Variants in TRIM36 observed in about 807,000 individuals in gnomAD.
TRIM36 encodes E3 ubiquitin-protein ligase TRIM36.
In TRIM36, 42 loss-of-function variants were observed where a neutral mutation model predicts 72.4. The ratio of observed to expected loss-of-function variants is 0.58; its 90% confidence interval spans 0.45 to 0.75. The LOEUF is 0.75. Among genes scored for constraint, TRIM36 ranks in the 30% least tolerant of loss-of-function variants. TRIM36 has a pLI of 0.00. For missense variants in TRIM36, 913 were observed against 857.1 expected (o/e 1.07, Z -0.81); for synonymous variants, 315 against 282.8 (o/e 1.11, Z -1.14).
At position 115,133,859 on chromosome 5, in the gene TRIM36, CCT is replaced by C. The variant is rs1416171343; in HGVS notation, c.1497_1498del (p.Val500PhefsTer6). On this transcript the variant is annotated frameshift_variant and splice_region_variant, in exon 8 of 10. Transcript: ENST00000513154. LOFTEE classifies it high-confidence loss of function. ...TTTTTTATTCCTGATATTCACCATACCTGGAGCTGGAGGAGTATGAAGAATCA... is the reference window on the plus strand; with the variant it reads ...TTTTTTATTCCTGATATTCACCATACGGAGCTGGAGGAGTATGAAGAATCA... 6.3e-7 allele frequency: 1 copy of C among 1,579,106 alleles called. No homozygotes were observed. The highest frequency in any genetic ancestry group is 1.9e-5 in the Admixed American group (1 of 53,924).
At chr5:115,175,998 T>C (rs1755321328) in intron 1 of TRIM36, among the ~76,000 whole-genome samples, 1 of 152,044 alleles carries the variant, frequency 6.6e-6, no homozygotes, top group African/African-American at 2.4e-5. Flanking sequence ...TGGTGGCGTG[T>C]GCCTGTAGTC....
At chr5:115,166,068 A>G (rs1265513809) in intron 1 of TRIM36, among the ~76,000 whole-genome samples, 1 of 152,168 alleles carries the variant, frequency 6.6e-6, no homozygotes, top group African/African-American at 2.4e-5. Flanking sequence ...GGCGTCCCTC[A>G]GCTAAAACAG....
intron 9 of TRIM36, 30 bp downstream of exon 9, chr5:115,130,562 A>G (rs1384028511): frequency 6.4e-7 from 1 of 1,564,250 alleles, no homozygotes; most frequent in African/African-American, 1.4e-5. Flanking sequence ...TTAAAAAATT[A>G]TCAAGTTCTA....
At chr5:115,138,624 A>G (rs1310916649) in intron 5 of TRIM36, among the ~76,000 whole-genome samples, 1 of 152,176 alleles carries the variant, frequency 6.6e-6, no homozygotes. Flanking sequence ...TTATTTACAT[A>G]AAGTATATAC....
In TRIM36 at chr5:115,130,734, T is replaced by A; in HGVS notation, c.1654A>T (p.Ile552Phe). 1 of 1,614,166 alleles carries A rather than the reference T, an allele frequency of 6.2e-7. No individual in the cohort carries two copies. The highest frequency in any genetic ancestry group is 8.5e-7 in the Non-Finnish European group (1 of 1,180,028). ...VGYYTSLDYI[I>F]GDTGITKGKH... ...CCTTTTGTAATGCCAGTATCTCCAA[T>A]GATGTAGTCTAAGCTTGTGTAATAA... Residue 552 changes from isoleucine (I) to phenylalanine (F), a missense_variant, in exon 9 of 10, where the codon ATT becomes TTT. Ile to Phe is a conservative substitution (Grantham distance 21). Coordinates refer to ENST00000513154, the MANE Select transcript of TRIM36 (RefSeq NM_001300759.2).
intron 2 of TRIM36, among the ~76,000 whole-genome samples, chr5:115,159,471 C>G (rs1462450265): frequency 2.0e-5 from 3 of 152,130 alleles, no homozygotes; most frequent in African/African-American, 7.2e-5. Flanking sequence ...TCAGAACTTG[C>G]TTGGAAATTT....
chr5:115,145,084 C>T (rs1753510439), intron 3 of TRIM36, among the ~76,000 whole-genome samples: 1 of 152,062 alleles, frequency 6.6e-6, no homozygotes, highest in Admixed American at 6.6e-5. Flanking sequence ...GAACACTTAA[C>T]CAAGTTAGAA....
At chr5:115,158,252 A>G (rs1351821830) in intron 2 of TRIM36, among the ~76,000 whole-genome samples, 1 of 152,234 alleles carries the variant, frequency 6.6e-6, no homozygotes, top group Non-Finnish European at 1.5e-5. Flanking sequence ...ATTATATACT[A>G]GCACCTTACA....
chr5:115,150,999 T>C (rs1462972935), intron 2 of TRIM36, among the ~76,000 whole-genome samples: 1 of 152,136 alleles, frequency 6.6e-6, no homozygotes, highest in East Asian at 1.9e-4. Flanking sequence ...AGCTAAAGTT[T>C]GTAACAATTT....
chr5:115,175,052 T>C (rs1209625398), intron 1 of TRIM36, among the ~76,000 whole-genome samples: 2 of 152,104 alleles, frequency 1.3e-5, no homozygotes, highest in African/African-American at 2.4e-5. Context: ...GTAGGGTTAC[T>C]AGATTTAGTA....
At chr5:115,134,599 G>C (rs1323585621) in intron 7 of TRIM36, among the ~76,000 whole-genome samples, 1 of 151,866 alleles carries the variant, frequency 6.6e-6, no homozygotes, top group African/African-American at 2.4e-5. Context: ...GGAGTGCACT[G>C]GCATGATCTC....
exon 1 of TRIM36, chr5:115,180,028 A>C: frequency 6.2e-7 from 1 of 1,613,800 alleles, no homozygotes; most frequent in Non-Finnish European, 8.5e-7. Flanking sequence ...ATCTCCCCAG[A>C]CTCCGACATG....
At chr5:115,164,963 C>T (rs1754683098) in intron 1 of TRIM36, among the ~76,000 whole-genome samples, 1 of 152,212 alleles carries the variant, frequency 6.6e-6, no homozygotes, top group South Asian at 2.1e-4. Flanking sequence ...AAAGGGGCTA[C>T]AGGTCCCATG....
intron 2 of TRIM36, among the ~76,000 whole-genome samples, chr5:115,150,798 G>A (rs1002197472): frequency 1.3e-5 from 2 of 152,192 alleles, no homozygotes; most frequent in Non-Finnish European, 2.9e-5. Context: ...TGGATAACGG[G>A]AGATTTTGAC....
intron 3 of TRIM36, among the ~76,000 whole-genome samples, chr5:115,146,119 T>G (rs1753580135): frequency 6.6e-6 from 1 of 152,182 alleles, no homozygotes; most frequent in African/African-American, 2.4e-5. Context: ...TCTTGAGCAT[T>G]TAAAATGAGG....
In TRIM36 at chr5:115,178,929, A is replaced by G. The variant is rs149919746; in HGVS notation, c.63+1046T>C. On this transcript the variant is annotated intron_variant, in intron 1 of 9. Coordinates refer to the TRIM36 transcript ENST00000282369. ...TGAATCTAAAACTACTCCATATGCTATATCTGCGGCGTTGGAGTTAGTGGG... is the reference window on the plus strand; with the variant it reads ...TGAATCTAAAACTACTCCATATGCTGTATCTGCGGCGTTGGAGTTAGTGGG... Among the ~76,000 whole-genome samples the G allele has an allele frequency of 8.8e-4, 134 of 152,224 alleles. 2 individuals carry two copies. The East Asian group carries it at 0.022, about 25-fold the overall frequency.
chr5:115,151,052 G>A (rs550328811), intron 2 of TRIM36, among the ~76,000 whole-genome samples: 15 of 152,310 alleles, frequency 9.8e-5, no homozygotes, highest in African/African-American at 3.6e-4. Context: ...GGGGGAGGGT[G>A]TAAATCCAGT....
intron 7 of TRIM36, among the ~76,000 whole-genome samples, chr5:115,135,897 G>C (rs1237360294): frequency 6.6e-6 from 1 of 152,014 alleles, no homozygotes; most frequent in African/African-American, 2.4e-5. Flanking sequence ...AAATTTCCTT[G>C]TATTAATGTA....
intron 1 of TRIM36, 57 bp from the exon 2 acceptor site, chr5:115,163,809 C>A: frequency 8.0e-7 from 1 of 1,257,148 alleles, no homozygotes; most frequent in Non-Finnish European, 1.1e-6. Context: ...TATTAACATT[C>A]TTATACCTCC....
Sources: allele counts gnomAD v4.1 joint callset (sites outside exome capture counted in the v4.1 genomes callset), GRCh38; gene constraint gnomAD v4.1.1; transcripts MANE v1.5; gene names NCBI Gene and HGNC (gene_info 2026-07-23, HGNC 2026-07-21).